Variants in LSAMP observed in about 807,000 individuals in gnomAD.
LSAMP encodes limbic system-associated membrane protein.
A neutral mutation model predicts 38.6 loss-of-function variants in LSAMP; 7 were observed. The ratio of observed to expected loss-of-function variants is 0.18; its 90% confidence interval spans 0.10 to 0.34. The LOEUF is 0.34. Ranked by LOEUF, LSAMP falls within the 10% of genes least tolerant of loss-of-function variation. The probability of loss-of-function intolerance (pLI) is 1.00; values close to 1 mark genes in which losing one functional copy is unlikely to be tolerated. For missense variants in LSAMP, 313 were observed against 420.0 expected (o/e 0.75, Z 2.23); for synonymous variants, 154 against 166.8 (o/e 0.92, Z 0.59).
At chr3:116,217,779 G>T (rs2046238565) in intron 1 of LSAMP, among the ~76,000 whole-genome samples, 1 of 152,180 alleles carries the variant, frequency 6.6e-6, no homozygotes, top group Admixed American at 6.6e-5. Flanking sequence ...AGGTAGTTTT[G>T]ATCCTGACAC....
chr3:116,122,731 T>A (rs1252688049), intron 1 of LSAMP, among the ~76,000 whole-genome samples: 1 of 152,198 alleles, frequency 6.6e-6, no homozygotes, highest in Non-Finnish European at 1.5e-5. Flanking sequence ...ATTTAACGTA[T>A]ATTATTTTAC....
intron 3 of LSAMP, among the ~76,000 whole-genome samples, chr3:115,996,336 A>G (rs1939814601): frequency 6.6e-6 from 1 of 152,144 alleles, no homozygotes. Flanking sequence ...AGTGAGTTCT[A>G]CTTCTGGGCT....
intron 3 of LSAMP, among the ~76,000 whole-genome samples, chr3:116,001,214 G>GA (rs1174165506): frequency 1.3e-5 from 2 of 152,092 alleles, no homozygotes; most frequent in Non-Finnish European, 2.9e-5. Context: ...GAAAAAAACA[G>GA]AAAAGCTTCC....
chr3:116,385,649 G>A (rs981172917), intron 1 of LSAMP, among the ~76,000 whole-genome samples: 1 of 152,088 alleles, frequency 6.6e-6, no homozygotes, highest in Non-Finnish European at 1.5e-5. Flanking sequence ...TGATTATTAA[G>A]AGACTCTTGT....
chr3:115,964,125 C>T (rs1166644016), intron 3 of LSAMP, among the ~76,000 whole-genome samples: 4 of 152,132 alleles, frequency 2.6e-5, no homozygotes, highest in Non-Finnish European at 4.4e-5. Context: ...ACAGTTTTTG[C>T]CCTGTTCTTA....
intron 1 of LSAMP, among the ~76,000 whole-genome samples, chr3:116,140,174 T>A (rs1709338871): frequency 6.6e-6 from 1 of 152,018 alleles, no homozygotes; most frequent in Admixed American, 6.6e-5. Context: ...ATACACTTAG[T>A]AAATTAAGAT....
chr3:115,836,030 C>CTAT (rs929520942), intron 6 of LSAMP, among the ~76,000 whole-genome samples: 1 of 152,096 alleles, frequency 6.6e-6, no homozygotes, highest in Non-Finnish European at 1.5e-5. Flanking sequence ...TTTATTATTA[C>CTAT]TATTATTATT....
intron 1 of LSAMP, among the ~76,000 whole-genome samples, chr3:116,384,729 C>G (rs2048603775): frequency 1.3e-5 from 2 of 151,998 alleles, no homozygotes; most frequent in East Asian, 1.9e-4. Context: ...GATTTTTTTC[C>G]TTTTCTTGCA....
At chr3:116,085,893 A>C (rs1425642100) in intron 2 of LSAMP, among the ~76,000 whole-genome samples, 1 of 152,224 alleles carries the variant, frequency 6.6e-6, no homozygotes. Context: ...TTGCTATCAC[A>C]AAAAAGATAA....
At chr3:116,397,157 T>C (rs1380837418) in intron 1 of LSAMP, among the ~76,000 whole-genome samples, 1 of 152,188 alleles carries the variant, frequency 6.6e-6, no homozygotes, top group Non-Finnish European at 1.5e-5. Flanking sequence ...ATAGGATAAG[T>C]GTTAAAGTCC....
rs568755936 is a variant in LSAMP at position 116,400,893 on chromosome 3, T to C, written c.155+43984A>G. 3.9e-5 allele frequency among the ~76,000 whole-genome samples: 6 copies of C among 152,294 alleles called. No individual in the cohort carries two copies. The East Asian group carries it at 1.2e-3, about 29-fold the overall frequency. ...GTACTGCTATTTATCTCTGCAGTGGTTTGGTTGTACTGCTATTGTGACCTG... is the reference window on the plus strand; with the variant it reads ...GTACTGCTATTTATCTCTGCAGTGGCTTGGTTGTACTGCTATTGTGACCTG... On this transcript the variant is annotated intron_variant, in intron 1 of 6. Transcript: ENST00000490035.
intron 1 of LSAMP, among the ~76,000 whole-genome samples, chr3:116,202,354 G>T (rs914222062): frequency 5.3e-5 from 8 of 152,004 alleles, no homozygotes; most frequent in African/African-American, 1.9e-4. Flanking sequence ...GGCTAATCTT[G>T]AACTCCTGAC....
chr3:116,132,770 G>A (rs983253053), intron 1 of LSAMP, among the ~76,000 whole-genome samples: 1 of 151,962 alleles, frequency 6.6e-6, no homozygotes, highest in Non-Finnish European at 1.5e-5. Flanking sequence ...TAGTAATTAT[G>A]TCTTGGCTTG....
intron 1 of LSAMP, among the ~76,000 whole-genome samples, chr3:116,261,086 T>C (rs942399923): frequency 6.6e-6 from 1 of 152,226 alleles, no homozygotes; most frequent in Non-Finnish European, 1.5e-5. Flanking sequence ...ATCACAGTAC[T>C]GTAAATTATT....
chr3:116,357,409 A>C (rs989612656), intron 1 of LSAMP, among the ~76,000 whole-genome samples: 5 of 152,188 alleles, frequency 3.3e-5, no homozygotes, highest in Admixed American at 3.3e-4. Context: ...GAAGACTCCC[A>C]AAGTCTCCTC....
intron 1 of LSAMP, among the ~76,000 whole-genome samples, chr3:116,106,568 T>C (rs1182292979): frequency 6.6e-6 from 1 of 152,164 alleles, no homozygotes; most frequent in Non-Finnish European, 1.5e-5. Flanking sequence ...GGTGTGTTTT[T>C]AATAGACCAT....
intron 1 of LSAMP, among the ~76,000 whole-genome samples, chr3:116,278,601 A>G (rs556096573): frequency 1.3e-5 from 2 of 152,296 alleles, no homozygotes; most frequent in East Asian, 3.9e-4. Context: ...AAGTAACTGA[A>G]AGTTACTTCC....
intron 2 of LSAMP, among the ~76,000 whole-genome samples, chr3:116,023,934 T>A (rs889002332): frequency 3.3e-5 from 5 of 152,206 alleles, no homozygotes; most frequent in Non-Finnish European, 7.3e-5. Flanking sequence ...TCTTCCTACA[T>A]GAAATAGTCT....
rs2046771865 is a variant in LSAMP, at chr3:116,257,885, G to A, written c.156-171329C>T. Among the ~76,000 whole-genome samples the A allele has an allele frequency of 4.6e-5, 7 of 152,182 alleles. No individual in the cohort carries two copies. The South Asian group carries it at 1.5e-3, about 32-fold the overall frequency. ...CTTCCGTTATTGAAATTTTAAAAAA[G>A]AAGTATTCTTTGTTTTCTCAGTAAA... On this transcript the variant is annotated intron_variant, in intron 1 of 6. Transcript: ENST00000490035.
Sources: gnomAD v4.1 joint callset for allele counts (sites outside exome capture counted in the v4.1 genomes callset) on GRCh38, gnomAD v4.1.1 for gene constraint, MANE v1.5 for transcripts, NCBI Gene and HGNC (gene_info 2026-07-23, HGNC 2026-07-21) for gene names.